PTPRZ1: variants seen among roughly 807,000 people sequenced by gnomAD.
The protein encoded by PTPRZ1 is receptor-type tyrosine-protein phosphatase zeta.
Under a neutral mutation model 214.1 loss-of-function variants are expected in PTPRZ1, and 82 were observed. That is an observed-to-expected ratio of 0.38 (90% CI 0.32 to 0.46). The LOEUF is 0.46. PTPRZ1 is among the 20% of genes least tolerant of loss of function. The pLI is 1.00. For missense variants in PTPRZ1, 2,603 were observed against 2,748.7 expected, an observed-to-expected ratio of 0.95 and a Z score of 1.19; for synonymous variants, 945 against 987.9, an observed-to-expected ratio of 0.96 and a Z score of 0.81.
At chr7:121,895,111 A>G (rs1179162087) in intron 1 of PTPRZ1, among the ~76,000 whole-genome samples, 1 of 152,176 alleles carries the variant, frequency 6.6e-6, no homozygotes, top group Non-Finnish European at 1.5e-5. Flanking sequence ...TGATATCCAA[A>G]TGCTTTAAAA....
intron 1 of PTPRZ1, among the ~76,000 whole-genome samples, chr7:121,903,021 A>C (rs1795014872): frequency 6.6e-6 from 1 of 152,198 alleles, no homozygotes; most frequent in Non-Finnish European, 1.5e-5. Context: ...CCTATTTTGA[A>C]AGTTCTATAT....
intron 27 of PTPRZ1, among the ~76,000 whole-genome samples, chr7:122,055,889 CAAG>C (rs1792335676): frequency 6.6e-6 from 1 of 151,830 alleles, no homozygotes; most frequent in South Asian, 2.1e-4. Flanking sequence ...ATATGGTATA[CAAG>C]AAGATTCTCT....
At chr7:122,032,710 AAAAG>A (rs1390770561) in intron 15 of PTPRZ1, among the ~76,000 whole-genome samples, 1 of 152,200 alleles carries the variant, frequency 6.6e-6, no homozygotes, top group Non-Finnish European at 1.5e-5. Context: ...TTAAGAAATC[AAAAG>A]AAAGAGAGGT....
At chr7:121,906,217 T>G (rs1178039567) in intron 1 of PTPRZ1, among the ~76,000 whole-genome samples, 1 of 152,180 alleles carries the variant, frequency 6.6e-6, no homozygotes, top group African/African-American at 2.4e-5. Context: ...ACAGGATCTC[T>G]GGTTGACTAA....
chr7:121,977,590 T>G lies in PTPRZ1; in HGVS notation c.619+739T>G, dbSNP rs577922723. On this transcript the variant is annotated intron_variant, in intron 6 of 29. Coordinates refer to ENST00000393386, the MANE Select transcript of PTPRZ1 (RefSeq NM_002851.3). Reference sequence around the variant, plus strand: ...AGAAACAAAACTCATGTAGATCCTTTTCTTGAAAGCAGAAGCCTGGCCTAG... The same window carrying G: ...AGAAACAAAACTCATGTAGATCCTTGTCTTGAAAGCAGAAGCCTGGCCTAG... 2.4e-4 allele frequency among the ~76,000 whole-genome samples: 36 copies of G among 152,308 alleles called. No individual in the cohort carries two copies. In the South Asian group the frequency reaches 7.0e-3, roughly 30 times the overall value.
At chr7:121,890,503 A>G (rs1273282364) in intron 1 of PTPRZ1, among the ~76,000 whole-genome samples, 2 of 152,056 alleles carry the variant, frequency 1.3e-5, no homozygotes, top group African/African-American at 4.8e-5. Flanking sequence ...TCCCTACTTC[A>G]CCATACAAAT....
At chr7:121,960,573 TACAA>T (rs1298448076) in intron 2 of PTPRZ1, among the ~76,000 whole-genome samples, 3 of 152,298 alleles carry the variant, frequency 2.0e-5, no homozygotes, top group South Asian at 2.1e-4. Context: ...CTGAATAACT[TACAA>T]ACAATTATAA....
At chr7:122,044,393 A>T in intron 22 of PTPRZ1, 29 bp from the exon 23 acceptor site, 1 of 1,612,660 alleles carries the variant, frequency 6.2e-7, no homozygotes, top group Middle Eastern at 1.7e-4. Context: ...AACTTGAACT[A>T]ATGTTGCTTA....
intron 1 of PTPRZ1, among the ~76,000 whole-genome samples, chr7:121,877,046 A>G (rs1425715911): frequency 6.6e-6 from 1 of 152,212 alleles, no homozygotes; most frequent in African/African-American, 2.4e-5. Flanking sequence ...TCTCAAAGGA[A>G]GGCATAATTA....
chr7:121,942,501 A>G (rs2116425911), intron 2 of PTPRZ1, among the ~76,000 whole-genome samples: 1 of 152,320 alleles, frequency 6.6e-6, no homozygotes, highest in East Asian at 1.9e-4. Flanking sequence ...TTTAAATATG[A>G]TTCTTTAGCT....
At chr7:121,880,855 A>G (rs1238880847) in intron 1 of PTPRZ1, among the ~76,000 whole-genome samples, 1 of 152,164 alleles carries the variant, frequency 6.6e-6, no homozygotes, top group Non-Finnish European at 1.5e-5. Flanking sequence ...GAGTTGTGCA[A>G]AATCATGATC....
At chr7:122,005,667 C>T (rs951816820) in intron 11 of PTPRZ1, among the ~76,000 whole-genome samples, 4 of 151,904 alleles carry the variant, frequency 2.6e-5, no homozygotes, top group African/African-American at 7.2e-5. Context: ...TATACACACA[C>T]ATACAAGCGA....
chr7:122,008,646 A>G (rs1023164654), intron 11 of PTPRZ1, among the ~76,000 whole-genome samples: 1 of 152,056 alleles, frequency 6.6e-6, no homozygotes, highest in Non-Finnish European at 1.5e-5. Context: ...TCTGCTGAGA[A>G]TGGGAGGAAA....
intron 1 of PTPRZ1, among the ~76,000 whole-genome samples, chr7:121,926,666 C>T (rs1795773666): frequency 6.6e-6 from 1 of 151,962 alleles, no homozygotes; most frequent in Admixed American, 6.6e-5. Flanking sequence ...TGTGGGGTGG[C>T]AGCTAAGGGT....
chr7:121,997,737 C>A, intron 9 of PTPRZ1, 143 bp from the exon 10 acceptor site: 5 of 483,318 alleles, frequency 1.0e-5, no homozygotes, highest in East Asian at 4.3e-5. Context: ...AACTAAGCAA[C>A]ATTGCATAAA....
chr7:122,056,762 A>G (rs1792361112), intron 27 of PTPRZ1, among the ~76,000 whole-genome samples: 1 of 151,762 alleles, frequency 6.6e-6, no homozygotes, highest in Non-Finnish European at 1.5e-5. Flanking sequence ...TTTGCTCCCT[A>G]TCCCCTTCAT....
chr7:121,963,340 A>G (rs974085312), intron 2 of PTPRZ1, among the ~76,000 whole-genome samples: 5 of 152,154 alleles, frequency 3.3e-5, no homozygotes, highest in African/African-American at 1.2e-4. Context: ...CTAGGGAGAC[A>G]CCCTTTTAGG....
intron 2 of PTPRZ1, among the ~76,000 whole-genome samples, chr7:121,947,392 G>A (rs933422177): frequency 7.9e-5 from 12 of 152,024 alleles, no homozygotes; most frequent in Non-Finnish European, 1.5e-4. Flanking sequence ...CTATGCTGAC[G>A]ATGCATGAAA....
intron 25 of PTPRZ1, among the ~76,000 whole-genome samples, chr7:122,052,898 G>C (rs2150490405): frequency 6.6e-6 from 1 of 152,200 alleles, no homozygotes; most frequent in South Asian, 2.1e-4. Flanking sequence ...TACAGCTAGA[G>C]GTGTGTTTTT....
Sources: allele counts gnomAD v4.1 joint callset (sites outside exome capture counted in the v4.1 genomes callset), GRCh38; gene constraint gnomAD v4.1.1; transcripts MANE v1.5; gene names NCBI Gene and HGNC (gene_info 2026-07-23, HGNC 2026-07-21).